Variants in AUTS2 observed in about 807,000 individuals in gnomAD.
AUTS2 encodes autism susceptibility gene 2 protein.
A neutral mutation model predicts 112.4 loss-of-function variants in AUTS2; 17 were observed. The ratio of observed to expected loss-of-function variants is 0.15; its 90% CI spans 0.10 to 0.23. The LOEUF (loss-of-function observed/expected upper bound fraction) is 0.23. AUTS2 is among the 10% of genes least tolerant of loss of function. The pLI, the probability that AUTS2 is intolerant of heterozygous loss-of-function variation, is 1.00. For synonymous variants in AUTS2, 751 were observed against 702.7 expected (o/e 1.07, Z -1.09); for missense variants, 1,510 against 1,701.6 (o/e 0.89, Z 1.98).
chr7:70,168,920 A>G (rs544088080), intron 4 of AUTS2, among the ~76,000 whole-genome samples: 1 of 152,182 alleles, frequency 6.6e-6, no homozygotes, highest in African/African-American at 2.4e-5. Flanking sequence ...CTTTATTGTT[A>G]GGTAACCCAG....
Position 69,697,457 on chromosome 7 carries a change from C to A in AUTS2, c.309+97495C>A, listed in dbSNP as rs576839115. Among the ~76,000 whole-genome samples, 13 of 152,284 alleles carry A rather than the reference C, an allele frequency of 8.5e-5. No individual in the cohort carries two copies. The South Asian group carries it at 2.7e-3, about 32-fold the overall frequency. ...GAGAGGATTAAATTAAGAAACCCACCAATCGTGATTCAATATGAGAAGTGC... is the reference window on the plus strand; with the variant it reads ...GAGAGGATTAAATTAAGAAACCCACAAATCGTGATTCAATATGAGAAGTGC... On this transcript the variant is annotated intron_variant, in intron 1 of 18. Coordinates refer to ENST00000342771, the MANE Select transcript of AUTS2 (RefSeq NM_015570.4).
chr7:69,890,272 G>A (rs1584399122), intron 1 of AUTS2, among the ~76,000 whole-genome samples: 5 of 152,248 alleles, frequency 3.3e-5, no homozygotes, highest in South Asian at 2.1e-4. Flanking sequence ...TCACTTAAAC[G>A]GATAGTCGTG....
intron 2 of AUTS2, among the ~76,000 whole-genome samples, chr7:70,083,930 G>C (rs1055481844): frequency 5.3e-5 from 8 of 152,034 alleles, no homozygotes; most frequent in African/African-American, 1.9e-4. Context: ...TTGGGTGATA[G>C]AGCGAGATTC....
chr7:69,630,560 C>G (rs954447197), intron 1 of AUTS2, among the ~76,000 whole-genome samples: 2 of 152,204 alleles, frequency 1.3e-5, no homozygotes, highest in African/African-American at 4.8e-5. Context: ...TCTTTAGTAT[C>G]AGGATTGTAA....
chr7:70,192,286 C>T (rs956707852), intron 4 of AUTS2, among the ~76,000 whole-genome samples: 2 of 152,018 alleles, frequency 1.3e-5, no homozygotes, highest in Admixed American at 6.6e-5. Flanking sequence ...CTTTTGCCAC[C>T]ACAGGGGGAA....
At chr7:69,786,680 T>C (rs1386206467) in intron 1 of AUTS2, among the ~76,000 whole-genome samples, 1 of 152,184 alleles carries the variant, frequency 6.6e-6, no homozygotes, top group Non-Finnish European at 1.5e-5. Context: ...GAACTAACTC[T>C]GAACACAAGG....
chr7:70,763,823 T>A (rs544824293), intron 7 of AUTS2, among the ~76,000 whole-genome samples: 3 of 152,156 alleles, frequency 2.0e-5, no homozygotes, highest in Non-Finnish European at 4.4e-5. Context: ...GATTTTTTTT[T>A]TCATTCTGAT....
At chr7:70,658,293 G>T (rs1585454049) in intron 5 of AUTS2, among the ~76,000 whole-genome samples, 1 of 152,184 alleles carries the variant, frequency 6.6e-6, no homozygotes, top group Non-Finnish European at 1.5e-5. Context: ...ACTGTCTAGG[G>T]CACTAGGGGT....
At chr7:70,729,949 C>A (rs1410725245) in intron 6 of AUTS2, among the ~76,000 whole-genome samples, 1 of 152,160 alleles carries the variant, frequency 6.6e-6, no homozygotes, top group African/African-American at 2.4e-5. Context: ...ATGGCGCAAT[C>A]TCGGCTCACT....
chr7:69,969,210 C>T (rs914141458), intron 2 of AUTS2, among the ~76,000 whole-genome samples: 3 of 151,698 alleles, frequency 2.0e-5, no homozygotes, highest in Admixed American at 1.3e-4. Flanking sequence ...AGTTAAGGCA[C>T]GTAAATAAAC....
rs937496742 is a variant in AUTS2 at position 70,604,639 on chromosome 7, G to A, written c.691-93930G>A. On this transcript the variant is annotated intron_variant, in intron 5 of 18. Transcript: ENST00000342771. ...ACGTCAGAGCTTGAAGGGAATTAGA[G>A]AGCATCTAGCCCACTCCACTATCCC... 2.0e-5 allele frequency among the ~76,000 whole-genome samples: 3 copies of A among 152,226 alleles called. No homozygotes were observed. The South Asian group carries it at 6.2e-4, about 32-fold the overall frequency.
intron 4 of AUTS2, among the ~76,000 whole-genome samples, chr7:70,363,393 A>G (rs1398298354): frequency 6.9e-6 from 1 of 144,068 alleles, no homozygotes; most frequent in East Asian, 1.9e-4. Flanking sequence ...AGCATGGCAC[A>G]TGTATACATA....
chr7:70,709,392 C>G (rs1809923185), intron 6 of AUTS2, among the ~76,000 whole-genome samples: 2 of 152,232 alleles, frequency 1.3e-5, no homozygotes, highest in East Asian at 1.9e-4. Flanking sequence ...CCTTGTGAAT[C>G]TAAAGACCAA....
chr7:70,247,162 A>G (rs1432234946), intron 4 of AUTS2, among the ~76,000 whole-genome samples: 2 of 152,210 alleles, frequency 1.3e-5, no homozygotes, highest in Non-Finnish European at 2.9e-5. Flanking sequence ...TAGTATATTT[A>G]TACAATGGAA....
intron 1 of AUTS2, among the ~76,000 whole-genome samples, chr7:69,728,963 C>A (rs557965843): frequency 6.6e-6 from 1 of 152,080 alleles, no homozygotes; most frequent in South Asian, 2.1e-4. Context: ...ATGGAAAATC[C>A]TTTAGTGAGC....
chr7:69,779,476 G>A (rs1480023935), intron 1 of AUTS2, among the ~76,000 whole-genome samples: 1 of 151,792 alleles, frequency 6.6e-6, no homozygotes, highest in Non-Finnish European at 1.5e-5. Context: ...AAAATATATA[G>A]ATAGAAGCCA....
chr7:70,457,430 G>A (rs954357652), intron 5 of AUTS2, among the ~76,000 whole-genome samples: 1 of 152,180 alleles, frequency 6.6e-6, no homozygotes, highest in Non-Finnish European at 1.5e-5. Flanking sequence ...TTCTGGAGGG[G>A]TAGGAACAGA....
At chr7:70,299,377 C>G (rs1789096721) in intron 4 of AUTS2, among the ~76,000 whole-genome samples, 1 of 152,164 alleles carries the variant, frequency 6.6e-6, no homozygotes, top group Non-Finnish European at 1.5e-5. Context: ...CGGAATAGAT[C>G]CTACAGCATT....
At chr7:69,845,010 C>CA (rs1390517469) in intron 1 of AUTS2, among the ~76,000 whole-genome samples, 3 of 152,102 alleles carry the variant, frequency 2.0e-5, no homozygotes, top group Admixed American at 1.3e-4. Flanking sequence ...ACCCATCTAA[C>CA]AAAGTATGGT....
Sources: gnomAD v4.1 joint callset for allele counts (sites outside exome capture counted in the v4.1 genomes callset) on GRCh38, gnomAD v4.1.1 for gene constraint, MANE v1.5 for transcripts, NCBI Gene and HGNC (gene_info 2026-07-23, HGNC 2026-07-21) for gene names.